TM9SF2: variants seen among roughly 807,000 people sequenced by gnomAD.
The protein encoded by TM9SF2 is 76 kDa membrane protein.
A neutral mutation model predicts 84.9 loss-of-function variants in TM9SF2; 13 were observed. The ratio of observed to expected loss-of-function variants is 0.15; its 90% CI spans 0.10 to 0.24. The LOEUF (loss-of-function observed/expected upper bound fraction) is 0.24, where lower values mean the gene tolerates loss of function less well. Ranked by LOEUF, TM9SF2 falls within the 10% of genes least tolerant of loss-of-function variation. TM9SF2 has a pLI of 1.00. For missense variants in TM9SF2, 562 were observed against 818.5 expected (o/e 0.69, Z 3.82); for synonymous variants, 273 against 285.8 (o/e 0.96, Z 0.45).
chr13:99,522,106 C>T (rs984954263), intron 3 of TM9SF2, among the ~76,000 whole-genome samples: 2 of 152,060 alleles, frequency 1.3e-5, no homozygotes, highest in Non-Finnish European at 2.9e-5. Flanking sequence ...CTGTAACCTC[C>T]GCCTCCTGGG....
intron 4 of TM9SF2, among the ~76,000 whole-genome samples, chr13:99,534,981 C>T (rs533314375): frequency 2.6e-5 from 4 of 152,196 alleles, no homozygotes; most frequent in African/African-American, 9.6e-5. Context: ...GAGACCCCAA[C>T]TCTACAAAAA....
chr13:99,512,468 A>G (rs1201972229), intron 1 of TM9SF2, among the ~76,000 whole-genome samples: 1 of 152,218 alleles, frequency 6.6e-6, no homozygotes. Context: ...TTTAATGGGT[A>G]TTAGATATTA....
At chr13:99,561,291 A>G (rs1349541177) in intron 16 of TM9SF2, among the ~76,000 whole-genome samples, 1 of 152,228 alleles carries the variant, frequency 6.6e-6, no homozygotes, top group Non-Finnish European at 1.5e-5. Flanking sequence ...TTATTCTGTC[A>G]CAAAAGGAAA....
intron 3 of TM9SF2, among the ~76,000 whole-genome samples, chr13:99,524,664 T>C (rs2046174452): frequency 6.6e-6 from 1 of 151,570 alleles, no homozygotes; most frequent in Non-Finnish European, 1.5e-5. Flanking sequence ...GAAGACAAGA[T>C]TCGAAGAGGC....
chr13:99,504,570 C>CGTAAATTTAGCTCATGCATTT (rs2046080755), intron 1 of TM9SF2, among the ~76,000 whole-genome samples: 3 of 152,106 alleles, frequency 2.0e-5, no homozygotes, highest in Middle Eastern at 3.2e-3. Context: ...GCATTTAGCT[C>CGTAAATTTAGCTCATGCATTT]AGGATGTAAA....
intron 1 of TM9SF2, among the ~76,000 whole-genome samples, chr13:99,512,297 TATC>T (rs1156731912): frequency 6.6e-6 from 1 of 152,240 alleles, no homozygotes; most frequent in African/African-American, 2.4e-5. Context: ...TTTATTATGA[TATC>T]ATTCAGTTCC....
rs776498630 is a variant in TM9SF2 at position 99,547,031 on chromosome 13, G to A, written c.1197G>A (p.Leu399=). ...GFLSPANRGA[L]MTCAVVLWVL... The stretch of plus-strand genomic sequence containing the variant: ...TGTCACCTGCCAACCGAGGAGCGCT[G>A]ATGACGTGTGCTGTGGTCCTGTGGG... Residue 399 remains leucine (L), a synonymous_variant, in exon 11 of 17, where the codon CTG becomes CTA. Transcript: ENST00000376387. 1.1e-5 allele frequency: 17 copies of A among 1,614,082 alleles called. No individual in the cohort carries two copies. The South Asian group carries it at 1.6e-4, about 16-fold the overall frequency.
chr13:99,534,595 G>A (rs575341403), intron 4 of TM9SF2, among the ~76,000 whole-genome samples: 34 of 152,332 alleles, frequency 2.2e-4, no homozygotes, highest in African/African-American at 7.7e-4. Flanking sequence ...GAAACTTTTG[G>A]AATTAATTTA....
intron 1 of TM9SF2, among the ~76,000 whole-genome samples, chr13:99,503,799 G>T (rs1169908232): frequency 6.6e-6 from 1 of 151,804 alleles, no homozygotes; most frequent in Non-Finnish European, 1.5e-5. Context: ...TGGTCTTCCA[G>T]TTAGATGATT....
intron 4 of TM9SF2, among the ~76,000 whole-genome samples, chr13:99,533,859 C>T (rs537285159): frequency 6.7e-4 from 102 of 152,156 alleles, no homozygotes; most frequent in Non-Finnish European, 9.1e-4. Context: ...TTAGTAGAGA[C>T]GGGATTTCAC....
Position 99,554,268 on chromosome 13 carries a change from G to A in TM9SF2, c.1489-36G>A, listed in dbSNP as rs191066660. On this transcript the variant is annotated intron_variant, in intron 13 of 16. Coordinates refer to ENST00000376387, the MANE Select transcript of TM9SF2 (RefSeq NM_004800.3). Reference sequence around the variant, plus strand: ...AGAGAAGAATATTTGAGACAGATACGTAATTATGAATTCTTCCTTCCTTTT... The same window carrying A: ...AGAGAAGAATATTTGAGACAGATACATAATTATGAATTCTTCCTTCCTTTT... 1.4e-5 allele frequency: 22 copies of A among 1,597,158 alleles called. No individual in the cohort carries two copies. In the Admixed American group the frequency reaches 2.6e-4, roughly 19 times the overall value.
chr13:99,503,781 C>T (rs961669266), intron 1 of TM9SF2, among the ~76,000 whole-genome samples: 3 of 145,836 alleles, frequency 2.1e-5, no homozygotes, highest in African/African-American at 7.7e-5. Flanking sequence ...ATAAGTGAAA[C>T]TTATAGGTGG....
chr13:99,502,110 G>T (rs955013175), intron 1 of TM9SF2, among the ~76,000 whole-genome samples: 3 of 152,214 alleles, frequency 2.0e-5, no homozygotes, highest in Non-Finnish European at 1.5e-5. Flanking sequence ...TTTGGAGTTG[G>T]ATGTATGCAG....
At position 99,555,363 on chromosome 13, in the gene TM9SF2, C is replaced by A. The variant is rs927771577; in HGVS notation, c.1641-173C>A. 5.9e-5 allele frequency among the ~76,000 whole-genome samples: 9 copies of A among 152,154 alleles called. 1 individual carries two copies. The highest frequency in any genetic ancestry group is 5.9e-4 in the Admixed American group (9 of 15,278). On this transcript the variant is annotated intron_variant, in intron 14 of 16. Coordinates refer to ENST00000376387, the MANE Select transcript of TM9SF2 (RefSeq NM_004800.3). ...GTCCAGTGATACTGACATATCCTTC[C>A]TACTCCTCCCCTTCCCCACCCCATC...
intron 1 of TM9SF2, among the ~76,000 whole-genome samples, chr13:99,505,051 C>T (rs2139066465): frequency 6.6e-6 from 1 of 152,054 alleles, no homozygotes; most frequent in South Asian, 2.1e-4. Flanking sequence ...TTTCTTTCAA[C>T]AATGATAGGT....
chr13:99,502,671 A>G (rs938536115), intron 1 of TM9SF2, among the ~76,000 whole-genome samples: 1 of 152,224 alleles, frequency 6.6e-6, no homozygotes, highest in Non-Finnish European at 1.5e-5. Context: ...GCTTTACAGT[A>G]TACATACACA....
In TM9SF2 at chr13:99,501,706, G is replaced by A. The variant is rs139043479; in HGVS notation, c.100G>A (p.Gly34Ser). The change falls in exon 1 of 17, where the codon GGC becomes AGC. Residue 34 changes from glycine to serine, a missense_variant. Coordinates refer to ENST00000376387, the MANE Select transcript of TM9SF2 (RefSeq NM_004800.3). ...GGCGGTTCCTGGCCCGCGCCGGAGC[G>A]GCGCTTTCTACCTGCCCGGCCTGGC... is the stretch of plus-strand genomic sequence containing the variant. Reference protein sequence around the residue: ...LGAVPGPRRSGAFYLPGLAPV... With the variant: ...LGAVPGPRRSSAFYLPGLAPV... 2.5e-6 allele frequency: 4 copies of A among 1,611,968 alleles called. No homozygotes were observed. Among genetic ancestry groups the A allele is most frequent in the South Asian group, 1.1e-5 (1 of 91,020 alleles).
chr13:99,550,286 A>G (rs1321646497), intron 12 of TM9SF2, among the ~76,000 whole-genome samples: 2 of 152,184 alleles, frequency 1.3e-5, no homozygotes, highest in East Asian at 3.8e-4. Context: ...CCTTGAAAAA[A>G]ATAGTCTCTA....
At chr13:99,546,924 C>A in intron 10 of TM9SF2, 61 bp from the exon 11 acceptor site, 1 of 1,597,184 alleles carries the variant, frequency 6.3e-7, no homozygotes, top group South Asian at 1.1e-5. Flanking sequence ...GTTTCTCTAT[C>A]ATTTCACAGC....
Sources: gnomAD v4.1 joint callset for allele counts (sites outside exome capture counted in the v4.1 genomes callset) on GRCh38, gnomAD v4.1.1 for gene constraint, MANE v1.5 for transcripts, NCBI Gene and HGNC (gene_info 2026-07-23, HGNC 2026-07-21) for gene names.